DMD: variants seen among roughly 807,000 people sequenced by gnomAD.
DMD encodes the protein dystrophin, also known as mutant dystrophin.
A neutral mutation model predicts 330.1 loss-of-function variants in DMD; 63 were observed. The ratio of observed to expected loss-of-function variants is 0.19; its 90% CI spans 0.16 to 0.24. The LOEUF (loss-of-function observed/expected upper bound fraction) is 0.24, where lower values mean the gene tolerates loss of function less well. Ranked by LOEUF, DMD falls within the 10% of genes least tolerant of loss-of-function variation. The pLI, the probability that DMD is intolerant of heterozygous loss-of-function variation, is 1.00. For synonymous variants in DMD, 1,223 were observed against 959.8 expected, an observed-to-expected ratio of 1.27 and a Z score of -5.07; for missense variants, 3,344 against 2,684.1, an observed-to-expected ratio of 1.25 and a Z score of -5.43.
chrX:32,722,736 T>G lies in DMD; in HGVS notation c.650-23443A>C, dbSNP rs760294056. On this transcript the variant is annotated intron_variant, in intron 7 of 78. Coordinates refer to ENST00000357033, the MANE Select transcript of DMD (RefSeq NM_004006.3). ...ATAAATAGAATTTTTTAAAATTTTT[T>G]GGATATCTTTTGCATAAAAATGCAA... Among the ~76,000 whole-genome samples, 7 of 111,479 alleles carry G rather than the reference T, an allele frequency of 6.3e-5. No individual in the cohort carries two copies. The East Asian group carries it at 2.0e-3, about 31-fold the overall frequency.
At chrX:31,173,245 G>T (rs1397486598) in intron 72 of DMD, among the ~76,000 whole-genome samples, 2 of 111,009 alleles carry the variant, frequency 1.8e-5, no homozygotes, top group East Asian at 5.6e-4. Flanking sequence ...TTCTAAGGAG[G>T]TTAAACTATT....
At chrX:32,703,858 A>C (rs1416977850) in intron 7 of DMD, among the ~76,000 whole-genome samples, 1 of 111,974 alleles carries the variant, frequency 8.9e-6, no homozygotes, top group Non-Finnish European at 1.9e-5. Flanking sequence ...CACGACATTA[A>C]GATTTTATGA....
At chrX:33,259,615 A>C (rs2052921383) in intron 1 of DMD, among the ~76,000 whole-genome samples, 1 of 86,560 alleles carries the variant, frequency 1.2e-5, no homozygotes, top group Non-Finnish European at 2.2e-5. Flanking sequence ...CCCCCAAAAA[A>C]AAAAAGGAAA....
chrX:32,809,929 AAAAAAAAAAAAAAAAAAGAAAG>A (rs1204499457), intron 6 of DMD, among the ~76,000 whole-genome samples: 1 of 86,639 alleles, frequency 1.2e-5, no homozygotes, highest in Non-Finnish European at 2.3e-5. Flanking sequence ...CAAAAAAAAA[AAAAAAAAAAAAAAAAAAGAAAG>A]AAAGAAAGAA....
chrX:31,749,682 TG>T (rs2088294131), intron 51 of DMD, among the ~76,000 whole-genome samples: 1 of 107,058 alleles, frequency 9.3e-6, no homozygotes, highest in African/African-American at 3.4e-5. Flanking sequence ...CTGGGTCAAA[TG>T]GTATTTCTAG....
At chrX:32,235,071 T>C (rs983190711) in intron 43 of DMD, among the ~76,000 whole-genome samples, 1 of 111,442 alleles carries the variant, frequency 9.0e-6, no homozygotes, top group Non-Finnish European at 1.9e-5. Context: ...ATGATTCAAG[T>C]GCATTACAGT....
At chrX:31,800,607 T>C (rs1456090637) in intron 50 of DMD, among the ~76,000 whole-genome samples, 5 of 112,581 alleles carry the variant, frequency 4.4e-5, no homozygotes, top group Admixed American at 2.8e-4. Context: ...ATTTGGCTCC[T>C]TTACTTAAGC....
chrX:31,729,408 A>G (rs947091222), intron 52 of DMD, among the ~76,000 whole-genome samples: 1 of 112,244 alleles, frequency 8.9e-6, no homozygotes, highest in Non-Finnish European at 1.9e-5. Context: ...TTGCAACTAT[A>G]TAAGCCCTGA....
At chrX:32,324,729 G>A (rs191937177) in intron 41 of DMD, among the ~76,000 whole-genome samples, 1 of 111,488 alleles carries the variant, frequency 9.0e-6, no homozygotes, top group African/African-American at 3.3e-5. Context: ...TCTGTAATTT[G>A]TTAGATTAAA....
intron 2 of DMD, among the ~76,000 whole-genome samples, chrX:32,962,576 A>T (rs2091942805): frequency 8.9e-6 from 1 of 111,746 alleles, no homozygotes; most frequent in Non-Finnish European, 1.9e-5. Flanking sequence ...TTCTTTGTAG[A>T]AAAACTCTAT....
intron 1 of DMD, among the ~76,000 whole-genome samples, chrX:33,205,623 C>G (rs897151796): frequency 9.0e-6 from 1 of 111,531 alleles, no homozygotes; most frequent in Non-Finnish European, 1.9e-5. Context: ...ACAGTCTTAG[C>G]CAAAAGCAGA....
rs181913576 is a variant in DMD at position 33,200,844 on chromosome X, C to T, written c.31+10438G>A. On this transcript the variant is annotated intron_variant, in intron 1 of 78. Transcript: ENST00000357033. ...AAATAAATGTTAAAATTTATATTATCCTGATAGTTTTATATACTAGTTAGT... is the reference window on the plus strand; with the variant it reads ...AAATAAATGTTAAAATTTATATTATTCTGATAGTTTTATATACTAGTTAGT... Among the ~76,000 whole-genome samples the T allele has an allele frequency of 5.2e-3, 560 of 107,996 alleles. 1 individual carries two copies. Among genetic ancestry groups the T allele is most frequent in the Non-Finnish European group, 8.9e-3 (466 of 52,292 alleles). The allele number at this position is 107,996 out of a possible 115,157, so 93.8% of individuals were successfully genotyped here. A position where few individuals can be genotyped will look rare whatever the true frequency, so the allele number is the denominator to read the frequency against.
chrX:31,290,916 T>C lies in DMD; in HGVS notation c.9225-29900A>G, dbSNP rs993234269. 4.5e-5 allele frequency among the ~76,000 whole-genome samples: 5 copies of C among 112,181 alleles called. No individual in the cohort carries two copies. In the South Asian group the frequency reaches 1.5e-3, roughly 33 times the overall value. The stretch of plus-strand genomic sequence containing the variant: ...GGACAATTTAAGTCAAATCAGTTTT[T>C]TGGAATGTCCACAAGACACTAAGTA... On this transcript the variant is annotated intron_variant, in intron 62 of 78. Coordinates refer to ENST00000357033, the MANE Select transcript of DMD (RefSeq NM_004006.3).
chrX:32,173,443 G>T (rs2096895534), intron 44 of DMD, among the ~76,000 whole-genome samples: 1 of 110,867 alleles, frequency 9.0e-6, no homozygotes, highest in African/African-American at 3.3e-5. Flanking sequence ...CGCGATCTCG[G>T]CTCACTGCAA....
In DMD at chrX:32,777,277, T is replaced by TGG. The variant is rs546914107; in HGVS notation, c.649+32214_649+32215dup. 4.7e-3 allele frequency among the ~76,000 whole-genome samples: 10 copies of TGG among 2,108 alleles called. 2 individuals are homozygous for TGG. Among genetic ancestry groups the TGG allele is most frequent in the African/African-American group, 0.019 (6 of 323 alleles). The allele number at this position is 2,108 out of a possible 115,157, so 1.8% of individuals were successfully genotyped here. On this transcript the variant is annotated intron_variant, in intron 7 of 78. Transcript: ENST00000357033. ...CTAGTTTTTAAGTTTGGTTTCTGGT[T>TGG]GGGGGGGGAATCCTACCAAGCTAGG...
chrX:32,902,707 A>G (rs2149305566), intron 2 of DMD, among the ~76,000 whole-genome samples: 1 of 110,828 alleles, frequency 9.0e-6, no homozygotes, highest in Non-Finnish European at 1.9e-5. Flanking sequence ...ATAAAAAGAC[A>G]CTTGTCAGCT....
chrX:32,432,188 C>A (rs752632350), intron 29 of DMD, among the ~76,000 whole-genome samples: 7 of 111,688 alleles, frequency 6.3e-5, no homozygotes, highest in African/African-American at 1.3e-4. Flanking sequence ...GTTCTCTCTG[C>A]AGATAGAATT....
intron 44 of DMD, among the ~76,000 whole-genome samples, chrX:32,045,632 G>A (rs1319160178): frequency 1.8e-5 from 2 of 111,229 alleles, no homozygotes; most frequent in African/African-American, 3.3e-5. Flanking sequence ...TTTTTCTGCC[G>A]ATTTTATTCC....
intron 1 of DMD, among the ~76,000 whole-genome samples, chrX:33,050,345 C>T (rs1244206580): frequency 1.8e-5 from 2 of 111,459 alleles, no homozygotes; most frequent in Non-Finnish European, 3.8e-5. Context: ...GTCTTAAGTG[C>T]CCCAGAATGT....
Sources: gnomAD v4.1 joint callset for allele counts (sites outside exome capture counted in the v4.1 genomes callset) on GRCh38, gnomAD v4.1.1 for gene constraint, MANE v1.5 for transcripts, NCBI Gene and HGNC (gene_info 2026-07-23, HGNC 2026-07-21) for gene names.